SFRP1: variants seen among roughly 807,000 people sequenced by gnomAD.
SFRP1 encodes the protein secreted frizzled related protein 1.
Under a neutral mutation model 25.9 loss-of-function variants are expected in SFRP1, and 9 were observed. That is an observed-to-expected ratio of 0.35 (90% CI 0.21 to 0.61). The LOEUF (loss-of-function observed/expected upper bound fraction) is 0.61, where lower values mean the gene tolerates loss of function less well. Ranked by LOEUF, SFRP1 falls within the 20% of genes least tolerant of loss-of-function variation. The pLI, the probability that SFRP1 is intolerant of heterozygous loss-of-function variation, is 0.78. For synonymous variants in SFRP1, 178 were observed against 174.0 expected (o/e 1.02, Z -0.18); for missense variants, 346 against 418.2 (o/e 0.83, Z 1.51).
At chr8:41,271,299 A>C (rs1228875644) in intron 2 of SFRP1, 1 of 154,184 alleles carries the variant, frequency 6.5e-6, no homozygotes, top group Non-Finnish European at 1.5e-5. Flanking sequence ...AAAGCCTCCA[A>C]ATGTGAATGG....
chr8:41,285,767 A>G (rs1048496913), intron 2 of SFRP1, among the ~76,000 whole-genome samples: 1 of 152,170 alleles, frequency 6.6e-6, no homozygotes, highest in African/African-American at 2.4e-5. Flanking sequence ...GGGGTGAGGC[A>G]GGGACCTAGG....
intron 2 of SFRP1, among the ~76,000 whole-genome samples, chr8:41,300,402 G>A (rs1228629097): frequency 1.3e-5 from 2 of 152,182 alleles, no homozygotes; most frequent in African/African-American, 4.8e-5. Flanking sequence ...ATACTGGGCT[G>A]AAGAAATTGC....
intron 2 of SFRP1, among the ~76,000 whole-genome samples, chr8:41,269,394 A>G (rs1157241481): frequency 5.3e-5 from 8 of 152,214 alleles, no homozygotes; most frequent in South Asian, 4.2e-4. Flanking sequence ...TGAGGCTGCA[A>G]CAAGGGCCTG....
chr8:41,303,648 T>C lies in SFRP1; in HGVS notation c.545-110A>G, dbSNP rs1419542163. The C allele has an allele frequency of 5.2e-6, 4 of 771,562 alleles. No individual in the cohort carries two copies. The African/African-American group carries it at 5.2e-5, about 10-fold the overall frequency. 47.8% of individuals were successfully genotyped at this position (771,562 alleles called of 1,614,324 possible). On this transcript the variant is annotated intron_variant, in intron 1 of 2. Coordinates refer to ENST00000220772, the MANE Select transcript of SFRP1 (RefSeq NM_003012.5). Reference sequence around the variant, plus strand: ...CCAGGCTGAAAGTGGCTAAAGGTCTTCTGGAACTTCTGAAGGGGACCTGAG... The same window carrying C: ...CCAGGCTGAAAGTGGCTAAAGGTCTCCTGGAACTTCTGAAGGGGACCTGAG...
intron 1 of SFRP1, among the ~76,000 whole-genome samples, chr8:41,305,979 A>C (rs577820818): frequency 6.6e-6 from 1 of 152,348 alleles, no homozygotes; most frequent in Admixed American, 6.5e-5. Context: ...AGCAACAACA[A>C]AATCAAACCC....
intron 2 of SFRP1, among the ~76,000 whole-genome samples, chr8:41,297,770 A>C (rs1181906738): frequency 1.3e-5 from 2 of 151,850 alleles, no homozygotes; most frequent in African/African-American, 4.8e-5. Context: ...CCATTCTGCT[A>C]CACTGCCGGC....
intron 2 of SFRP1, 71 bp downstream of exon 2, chr8:41,303,390 G>T: frequency 1.8e-6 from 2 of 1,087,152 alleles, no homozygotes; most frequent in Non-Finnish European, 2.9e-6. Flanking sequence ...CATCAGCAGG[G>T]CCTCCGTCTG....
At chr8:41,307,008 G>A (rs933978645) in intron 1 of SFRP1, 94 of 1,448,836 alleles carry the variant, frequency 6.5e-5, no homozygotes, top group Non-Finnish European at 8.0e-5. Flanking sequence ...GTCCCAGAAA[G>A]AGACCATCGG....
rs1044545085 is a variant in SFRP1 at position 41,291,052 on chromosome 8, G to A, written c.622+12409C>T. 4.0e-5 allele frequency among the ~76,000 whole-genome samples: 6 copies of A among 150,690 alleles called. No homozygotes were observed. In the South Asian group the frequency reaches 6.3e-4, roughly 16 times the overall value. The stretch of plus-strand genomic sequence containing the variant: ...CTCCTGAGTAGCTGGGACTACAGGC[G>A]CCCGCCACCAGGCCCCGCTATTTTT... On this transcript the variant is annotated intron_variant, in intron 2 of 2. Coordinates refer to ENST00000220772, the MANE Select transcript of SFRP1 (RefSeq NM_003012.5).
intron 2 of SFRP1, among the ~76,000 whole-genome samples, chr8:41,302,864 T>C (rs1803942374): frequency 6.9e-6 from 1 of 145,338 alleles, no homozygotes; most frequent in South Asian, 2.2e-4. Context: ...CGATGGAGAG[T>C]GACTTGGGAA....
rs746738008 is a variant in SFRP1 at position 41,263,513 on chromosome 8, C to T, written c.*1654G>A. On this transcript the variant is annotated 3_prime_UTR_variant, in exon 3 of 3. Transcript: ENST00000220772. Reference sequence around the variant, plus strand: ...CCTTTCCTCCGGGTCAGGCTAGGGCCGCAGGGGGCCACTTTACAGCCTCAC... The same window carrying T: ...CCTTTCCTCCGGGTCAGGCTAGGGCTGCAGGGGGCCACTTTACAGCCTCAC... 3 of 152,188 alleles carry T rather than the reference C, an allele frequency of 2.0e-5. No homozygotes were observed. Among genetic ancestry groups the T allele is most frequent in the Non-Finnish European group, 2.9e-5 (2 of 68,048 alleles). The allele number at this position is 152,188 out of a possible 1,614,324, so 9.4% of individuals were successfully genotyped here.
At chr8:41,307,664 A>C (rs1166794359) in intron 1 of SFRP1, among the ~76,000 whole-genome samples, 2 of 152,212 alleles carry the variant, frequency 1.3e-5, no homozygotes, top group Non-Finnish European at 2.9e-5. Context: ...CTTCTATAGA[A>C]GTCAGGTCTG....
Position 41,285,381 on chromosome 8 carries a change from C to T in SFRP1, c.622+18080G>A, listed in dbSNP as rs1803686490. Among the ~76,000 whole-genome samples the T allele has an allele frequency of 2.0e-5, 3 of 152,280 alleles. No homozygotes were observed. In the South Asian group the frequency reaches 6.2e-4, roughly 32 times the overall value. ...TTCCGGAAGGGTGATGCCCCAGCCC[C>T]TCGGGTTCCAGCCCCATGGGCTCAA... On this transcript the variant is annotated intron_variant, in intron 2 of 2. Coordinates refer to ENST00000220772, the MANE Select transcript of SFRP1 (RefSeq NM_003012.5).
rs972697345 is a variant in SFRP1, at chr8:41,281,482, G to A, written c.623-15993C>T. 2.6e-5 allele frequency among the ~76,000 whole-genome samples: 4 copies of A among 152,330 alleles called. No homozygotes were observed. The South Asian group carries it at 6.2e-4, about 24-fold the overall frequency. ...GCAAAGTCCCTTCAGAGCACAGAAGGGTTAAGCCCATGGCTGCCATCCAAA... is the reference window on the plus strand; with the variant it reads ...GCAAAGTCCCTTCAGAGCACAGAAGAGTTAAGCCCATGGCTGCCATCCAAA... On this transcript the variant is annotated intron_variant, in intron 2 of 2. Coordinates refer to ENST00000220772, the MANE Select transcript of SFRP1 (RefSeq NM_003012.5).
intron 2 of SFRP1, among the ~76,000 whole-genome samples, chr8:41,288,038 C>A (rs1393125335): frequency 6.7e-6 from 1 of 149,356 alleles, no homozygotes; most frequent in East Asian, 2.0e-4. Flanking sequence ...GGCCACATAG[C>A]GAGACCCCGT....
At chr8:41,284,710 G>A (rs1444733794) in intron 2 of SFRP1, among the ~76,000 whole-genome samples, 1 of 152,234 alleles carries the variant, frequency 6.6e-6, no homozygotes, top group Non-Finnish European at 1.5e-5. Context: ...TGGCGTAGGG[G>A]GAGGGGTCTC....
chr8:41,279,649 T>TG (rs1257955001), intron 2 of SFRP1, among the ~76,000 whole-genome samples: 2 of 151,906 alleles, frequency 1.3e-5, no homozygotes, highest in Non-Finnish European at 2.9e-5. Flanking sequence ...TTTTCAGGCC[T>TG]GGGGGCAGAG....
At chr8:41,280,883 T>C (rs4131327) in intron 2 of SFRP1, among the ~76,000 whole-genome samples, 77,626 of 151,926 alleles carry the variant, frequency 0.51, 21,122 homozygotes, top group African/African-American at 0.72. Context: ...CCCAGAAGCG[T>C]TCCTAGCATG....
At chr8:41,284,421 C>T (rs1803673491) in intron 2 of SFRP1, among the ~76,000 whole-genome samples, 1 of 151,568 alleles carries the variant, frequency 6.6e-6, no homozygotes, top group Admixed American at 6.6e-5. Flanking sequence ...GCTGGAGGGC[C>T]CCTCCCACAG....
Sources: allele counts gnomAD v4.1 joint callset (sites outside exome capture counted in the v4.1 genomes callset), GRCh38; gene constraint gnomAD v4.1.1; transcripts MANE v1.5; gene names NCBI Gene and HGNC (gene_info 2026-07-23, HGNC 2026-07-21).